Variants in UNC13C observed in about 807,000 individuals in gnomAD.
UNC13C encodes unc-13 homolog C.
A neutral mutation model predicts 245.4 loss-of-function variants in UNC13C; 174 were observed. That is an observed-to-expected ratio of 0.71 (90% CI 0.63 to 0.80). The LOEUF (loss-of-function observed/expected upper bound fraction) is 0.80. UNC13C is among the 30% of genes least tolerant of loss of function. The probability of loss-of-function intolerance (pLI) is 0.00; values close to 1 mark genes in which losing one functional copy is unlikely to be tolerated. For missense variants in UNC13C, 2,829 were observed against 2,602.9 expected, an observed-to-expected ratio of 1.09 and a Z score of -1.89; for synonymous variants, 992 against 895.1, an observed-to-expected ratio of 1.11 and a Z score of -1.93.
chr15:53,982,626 C>T (rs2140948070), intron 1 of UNC13C, among the ~76,000 whole-genome samples: 1 of 152,192 alleles, frequency 6.6e-6, no homozygotes, highest in East Asian at 1.9e-4. Context: ...TAAAAATTAC[C>T]AGTGAGATAA....
chr15:54,172,835 T>C (rs1407673386), intron 4 of UNC13C, among the ~76,000 whole-genome samples: 1 of 148,338 alleles, frequency 6.7e-6, no homozygotes, highest in Admixed American at 6.8e-5. Flanking sequence ...GGTTTTATTC[T>C]ATGGTGAGCT....
At chr15:54,622,488 G>A (rs916133345) in intron 31 of UNC13C, 69 bp downstream of exon 31, 9 of 1,195,296 alleles carry the variant, frequency 7.5e-6, no homozygotes, top group Admixed American at 5.8e-5. Flanking sequence ...TATCAGCAAT[G>A]TAACTTTTCT....
the UNC13C span, among the ~76,000 whole-genome samples, chr15:53,875,722 T>C: frequency 6.6e-6 from 1 of 152,208 alleles, no homozygotes; most frequent in South Asian, 2.1e-4. Context: ...TATAATATAA[T>C]TCTGCAATAG....
intron 2 of UNC13C, among the ~76,000 whole-genome samples, chr15:54,105,043 T>C (rs2141163301): frequency 6.6e-6 from 1 of 152,254 alleles, no homozygotes; most frequent in Non-Finnish European, 1.5e-5. Flanking sequence ...CCCCAGTTTT[T>C]CTACCTGAGG....
intron 4 of UNC13C, among the ~76,000 whole-genome samples, chr15:54,192,938 G>T (rs929109201): frequency 1.5e-4 from 22 of 151,468 alleles, no homozygotes; most frequent in Non-Finnish European, 2.9e-5. Flanking sequence ...ACAATAAGAT[G>T]AAAGGAAAAA....
intron 1 of UNC13C, among the ~76,000 whole-genome samples, chr15:53,987,702 A>G (rs1291924201): frequency 6.6e-6 from 1 of 151,912 alleles, no homozygotes; most frequent in African/African-American, 2.4e-5. Flanking sequence ...CAGATAGCCA[A>G]GCTTGGGTTT....
At chr15:54,622,542 A>T (rs1188077866) in intron 31 of UNC13C, 123 bp downstream of exon 31, 5 of 699,860 alleles carry the variant, frequency 7.1e-6, no homozygotes, top group Non-Finnish European at 1.2e-5. Context: ...CATGCACAAA[A>T]TTTCCTAATG....
At chr15:54,625,411 C>T (rs1474247005) in intron 32 of UNC13C, among the ~76,000 whole-genome samples, 6 of 152,092 alleles carry the variant, frequency 3.9e-5, no homozygotes, top group African/African-American at 1.4e-4. Context: ...CAAAGATGAT[C>T]CCTAAGTTTT....
At chr15:54,197,022 C>T (rs1259462073) in intron 4 of UNC13C, among the ~76,000 whole-genome samples, 5 of 151,852 alleles carry the variant, frequency 3.3e-5, no homozygotes, top group Admixed American at 1.3e-4. Flanking sequence ...CAAACCTGTA[C>T]GTTGTGCCCA....
rs766010968 is a variant in UNC13C at position 54,627,103 on chromosome 15, A to G, written c.6635A>G (p.Glu2212Gly). ...AAATCTGAAACAAGATCTACTGAAG[A>G]GAGTGCTTGAAACAAACACTGCAAG... The part of the protein sequence containing the change: ...RLKSETRSTE[E>G]SA Residue 2212 changes from glutamate (E) to glycine (G), a missense_variant, in exon 33 of 33, where the codon GAG (glutamate) becomes GGG (glycine). Coordinates refer to ENST00000260323, the MANE Select transcript of UNC13C (RefSeq NM_001080534.3). 11 of 1,609,108 alleles carry G rather than the reference A, an allele frequency of 6.8e-6. No individual in the cohort carries two copies. Among genetic ancestry groups the G allele is most frequent in the Middle Eastern group, 3.3e-4 (2 of 6,020 alleles).
At chr15:53,970,661 A>G in the UNC13C span, among the ~76,000 whole-genome samples, 1 of 152,080 alleles carries the variant, frequency 6.6e-6, no homozygotes, top group Non-Finnish European at 1.5e-5. Context: ...GGGAAACAAC[A>G]CACACTGGGT....
At chr15:54,427,281 T>C (rs1479330784) in intron 19 of UNC13C, among the ~76,000 whole-genome samples, 2 of 151,752 alleles carry the variant, frequency 1.3e-5, no homozygotes, top group East Asian at 3.9e-4. Flanking sequence ...GCTGTTCTCC[T>C]GGTAGTGAAT....
intron 10 of UNC13C, among the ~76,000 whole-genome samples, chr15:54,283,038 G>T (rs559363091): frequency 6.6e-6 from 1 of 152,268 alleles, no homozygotes; most frequent in South Asian, 2.1e-4. Flanking sequence ...AATTAGGAAA[G>T]GGCAGGTATG....
intron 4 of UNC13C, among the ~76,000 whole-genome samples, chr15:54,187,963 C>G (rs1253405455): frequency 6.6e-6 from 1 of 152,096 alleles, no homozygotes. Flanking sequence ...GCGCCCACCA[C>G]CCCACCACCA....
intron 2 of UNC13C, among the ~76,000 whole-genome samples, chr15:54,139,810 G>C (rs1169178836): frequency 6.6e-6 from 1 of 151,744 alleles, no homozygotes; most frequent in Non-Finnish European, 1.5e-5. Context: ...CTTTTTACTT[G>C]TCTTTCTTCC....
At chr15:54,536,564 T>C (rs567288728) in intron 26 of UNC13C, among the ~76,000 whole-genome samples, 1 of 152,078 alleles carries the variant, frequency 6.6e-6, no homozygotes, top group South Asian at 2.1e-4. Context: ...TTGATGAACA[T>C]AGATGCAAAA....
At chr15:54,341,931 G>A (rs1156808149) in intron 17 of UNC13C, among the ~76,000 whole-genome samples, 1 of 150,086 alleles carries the variant, frequency 6.7e-6, no homozygotes, top group Non-Finnish European at 1.5e-5. Flanking sequence ...AGCCGAGGTT[G>A]CACCACTGCA....
intron 2 of UNC13C, among the ~76,000 whole-genome samples, chr15:54,124,413 A>G (rs2030892827): frequency 6.6e-6 from 1 of 152,298 alleles, no homozygotes; most frequent in African/African-American, 2.4e-5. Context: ...TTATCCTTTC[A>G]TAAGCTTGTC....
At chr15:54,585,768 A>T (rs1452195898) in intron 30 of UNC13C, among the ~76,000 whole-genome samples, 1 of 152,204 alleles carries the variant, frequency 6.6e-6, no homozygotes, top group African/African-American at 2.4e-5. Flanking sequence ...GACAGAAAAA[A>T]ATCTCACCTC....
Sources: gnomAD v4.1 joint callset for allele counts (sites outside exome capture counted in the v4.1 genomes callset) on GRCh38, gnomAD v4.1.1 for gene constraint, MANE v1.5 for transcripts, NCBI Gene and HGNC (gene_info 2026-07-23, HGNC 2026-07-21) for gene names.